The following RNF144B variants were observed in gnomAD, a reference collection of about 807,000 sequenced individuals.
The protein encoded by RNF144B is E3 ubiquitin-protein ligase RNF144B.
A neutral mutation model predicts 40.2 loss-of-function variants in RNF144B; 25 were observed. That is an observed-to-expected ratio of 0.62 (90% CI 0.45 to 0.87). RNF144B has a LOEUF of 0.87. RNF144B is among the 40% of genes least tolerant of loss of function. RNF144B has a pLI of 0.00. For synonymous variants in RNF144B, 145 were observed against 136.3 expected (o/e 1.06, Z -0.44); for missense variants, 365 against 373.7 (o/e 0.98, Z 0.19).
Position 18,400,625 on chromosome 6 carries a change from G to C in RNF144B, c.165+926G>C, listed in dbSNP as rs996315047. ...GGTTAAGGTATAAAGGTAGGAAATAGATTGAGTTCCTGTAGGCTTCAGTGA... is the reference window on the plus strand; with the variant it reads ...GGTTAAGGTATAAAGGTAGGAAATACATTGAGTTCCTGTAGGCTTCAGTGA... On this transcript the variant is annotated intron_variant, in intron 2 of 7. Coordinates refer to ENST00000259939, the MANE Select transcript of RNF144B (RefSeq NM_182757.4). This position sits in a 1 kb window ranked among gnomAD's most constrained non-coding sequence, Gnocchi z 5.6. Among the ~76,000 whole-genome samples, 1 of 152,268 alleles carries C rather than the reference G, an allele frequency of 6.6e-6. No individual in the cohort carries two copies. The highest frequency in any genetic ancestry group is 2.1e-4 in the South Asian group (1 of 4,828).
intron 1 of RNF144B, among the ~76,000 whole-genome samples, chr6:18,389,821 C>T (rs949843559): frequency 2.2e-4 from 33 of 152,288 alleles, no homozygotes; most frequent in African/African-American, 7.9e-4. Context: ...GTAGCCATTG[C>T]TCCTAAGTAC....
In RNF144B at chr6:18,442,290, A is replaced by G. The variant is rs141667358; in HGVS notation, c.331+2546A>G. On this transcript the variant is annotated intron_variant, in intron 4 of 7. Transcript: ENST00000259939. The surrounding 1 kb of genome is among the most constrained non-coding windows in gnomAD (Gnocchi z 4.3). ...GCCAGTCTATCTTTTTTAGGTGGTG[A>G]TGCATATTTCTACTTTGCTCTGTTA... Among the ~76,000 whole-genome samples, 460 of 152,322 alleles carry G rather than the reference A, an allele frequency of 3.0e-3. 8 individuals are homozygous for G. Among genetic ancestry groups the G allele is most frequent in the African/African-American group, 0.01 (435 of 41,566 alleles).
rs72834106 is a variant in RNF144B, at chr6:18,465,457, T to C, written c.*390T>C. On this transcript the variant is annotated 3_prime_UTR_variant, in exon 8 of 8. Transcript: ENST00000259939. ...ATACAAGATAACCAAGAAGCTGGAG[T>C]CTGTTCTGTGTTGATTTGACTGCCA... The C allele has an allele frequency of 0.011, 1,974 of 178,666 alleles. 24 individuals carry two copies. Among genetic ancestry groups the C allele is most frequent in the Middle Eastern group, 0.027 (10 of 376 alleles). The allele number at this position is 178,666 out of a possible 1,614,324, so 11.1% of individuals were successfully genotyped here.
At chr6:18,391,217 A>G (rs1469435688) in intron 1 of RNF144B, among the ~76,000 whole-genome samples, 1 of 152,162 alleles carries the variant, frequency 6.6e-6, no homozygotes, top group Non-Finnish European at 1.5e-5. Context: ...TGATTGGTCA[A>G]TTACATCATT....
rs751314252 is a variant in RNF144B, at chr6:18,457,299, C to G, written c.476C>G (p.Ala159Gly). 23 of 1,614,050 alleles carry G rather than the reference C, an allele frequency of 1.4e-5. No individual in the cohort carries two copies. Among genetic ancestry groups the G allele is most frequent in the Middle Eastern group, 3.3e-4 (2 of 6,084 alleles). ...AAATTCTGCTCGTGTTGCAAGGATG[C>G]TTGGCATGCAGAGGTCTCCTGTAGA... Reference protein sequence around the residue: ...HLKFCSCCKDAWHAEVSCRDS... With the variant: ...HLKFCSCCKDGWHAEVSCRDS... The change falls in exon 5 of 8, where the codon GCT (alanine) becomes GGT (glycine). Residue 159 changes from alanine (A) to glycine (G), a missense_variant. Physicochemically the swap from Ala to Gly is moderately conservative, Grantham distance 60. Coordinates refer to ENST00000259939, the MANE Select transcript of RNF144B (RefSeq NM_182757.4). The surrounding 1 kb of genome is among the most constrained non-coding windows in gnomAD (Gnocchi z 5.1).
In RNF144B at chr6:18,459,152, C is replaced by T. The variant is rs1405198801; in HGVS notation, c.537-455C>T. Reference sequence around the variant, plus strand: ...GGCTGTGAGCCTGTATTGGTCTATTCGTCTGTTTGGAGAAGGTCTTTTGAA... The same window carrying T: ...GGCTGTGAGCCTGTATTGGTCTATTTGTCTGTTTGGAGAAGGTCTTTTGAA... On this transcript the variant is annotated intron_variant, in intron 5 of 7. Transcript: ENST00000259939. This position sits in a 1 kb window ranked among gnomAD's most constrained non-coding sequence, Gnocchi z 4.2. Among the ~76,000 whole-genome samples the T allele has an allele frequency of 6.6e-6, 1 of 152,078 alleles. No homozygotes were observed. The highest frequency in any genetic ancestry group is 2.4e-5 in the African/African-American group (1 of 41,396).
intron 6 of RNF144B, among the ~76,000 whole-genome samples, chr6:18,461,774 T>A (rs1053267994): frequency 7.9e-5 from 12 of 152,154 alleles, no homozygotes; most frequent in African/African-American, 2.9e-4. Flanking sequence ...GAGTTCTACA[T>A]CAGATGGTGG....
At position 18,387,522 on chromosome 6, in the gene RNF144B, G is replaced by A; in HGVS notation, c.-145G>A. 7.6e-7 allele frequency: 1 copy of A among 1,314,052 alleles called. No homozygotes were observed. Among genetic ancestry groups the A allele is most frequent in the Non-Finnish European group, 1.0e-6 (1 of 1,003,426 alleles). The allele number at this position is 1,314,052 out of a possible 1,614,324, so 81.4% of individuals were successfully genotyped here. On this transcript the variant is annotated 5_prime_UTR_variant, in exon 1 of 8. Coordinates refer to ENST00000259939, the MANE Select transcript of RNF144B (RefSeq NM_182757.4). Reference sequence around the variant, plus strand: ...AGCCGCAGAGCACGGAGGAAAGACGGAGAGAATGGAAGAGCTCCTGTCCGG... The same window carrying A: ...AGCCGCAGAGCACGGAGGAAAGACGAAGAGAATGGAAGAGCTCCTGTCCGG...
chr6:18,399,493 CT>C lies in RNF144B; in HGVS notation c.-36-5del. 1 of 1,602,286 alleles carries C rather than the reference CT, an allele frequency of 6.2e-7. No individual in the cohort carries two copies. ...ATAATATTTTCTGCTTTGGACCTTT[CT>C]ATAGGGATTGAGGAGACTGAAGAAT... On this transcript the variant is annotated splice_polypyrimidine_tract_variant and splice_region_variant and intron_variant, in intron 1 of 7. Transcript: ENST00000259939.
Position 18,442,134 on chromosome 6 carries a change from C to G in RNF144B, c.331+2390C>G, listed in dbSNP as rs1050018693. Among the ~76,000 whole-genome samples the G allele has an allele frequency of 6.6e-6, 1 of 152,218 alleles. No homozygotes were observed. Among genetic ancestry groups the G allele is most frequent in the Non-Finnish European group, 1.5e-5 (1 of 68,042 alleles). ...GGAAAATCATTGGCTAAGATTTCCA[C>G]TCTTTCCCCAGATAGTGGTTGGCTT... On this transcript the variant is annotated intron_variant, in intron 4 of 7. Coordinates refer to ENST00000259939, the MANE Select transcript of RNF144B (RefSeq NM_182757.4). This position sits in a 1 kb window ranked among gnomAD's most constrained non-coding sequence, Gnocchi z 4.3.
chr6:18,399,797 C>A, intron 2 of RNF144B, 98 bp downstream of exon 2: 1 of 916,226 alleles, frequency 1.1e-6, no homozygotes, highest in Non-Finnish European at 1.7e-6. Flanking sequence ...CCAGAGTGTG[C>A]TACAATATGA....
chr6:18,421,029 C>T (rs1795247442), intron 2 of RNF144B, among the ~76,000 whole-genome samples: 1 of 151,886 alleles, frequency 6.6e-6, no homozygotes, highest in African/African-American at 2.4e-5. Flanking sequence ...CTGAGGCAGA[C>T]AGATCACTTG....
intron 3 of RNF144B, among the ~76,000 whole-genome samples, chr6:18,436,086 T>C (rs186598234): frequency 6.6e-6 from 1 of 151,334 alleles, no homozygotes; most frequent in East Asian, 1.9e-4. Context: ...ACATCATCAA[T>C]AATGAGACAT....
chr6:18,419,533 GAGGA>G lies in RNF144B; in HGVS notation c.166-8045_166-8042del, dbSNP rs1242111099. Among the ~76,000 whole-genome samples the G allele has an allele frequency of 6.6e-6, 1 of 152,166 alleles. No individual in the cohort carries two copies. Among genetic ancestry groups the G allele is most frequent in the African/African-American group, 2.4e-5 (1 of 41,442 alleles). The stretch of plus-strand genomic sequence containing the variant: ...AGAAGATTGAGAAAGAGTGACTAGA[GAGGA>G]AGAATGAAAACCAGAAGAGTATGGG... On this transcript the variant is annotated intron_variant, in intron 2 of 7. Coordinates refer to ENST00000259939, the MANE Select transcript of RNF144B (RefSeq NM_182757.4). The surrounding 1 kb of genome is among the most constrained non-coding windows in gnomAD (Gnocchi z 4.6).
intron 1 of RNF144B, among the ~76,000 whole-genome samples, chr6:18,390,565 A>G (rs1794559230): frequency 6.6e-6 from 1 of 152,222 alleles, no homozygotes; most frequent in South Asian, 2.1e-4. Context: ...TTCTGATCAC[A>G]TGGCTTGGAG....
rs12202925 is a variant in RNF144B, at chr6:18,441,752, G to C, written c.331+2008G>C. Among the ~76,000 whole-genome samples, 18,992 of 152,078 alleles carry C rather than the reference G, an allele frequency of 0.12. 1,365 individuals carry two copies. The highest frequency in any genetic ancestry group is 0.19 in the Admixed American group (2,955 of 15,270). ...CCATGGCAAGGTCCTTAATATTTCT[G>C]CATCTCAACTTCCTCATCTGTGAAA... On this transcript the variant is annotated intron_variant, in intron 4 of 7. Transcript: ENST00000259939. This position sits in a 1 kb window ranked among gnomAD's most constrained non-coding sequence, Gnocchi z 4.9.
rs1344757682 is a variant in RNF144B at position 18,450,060 on chromosome 6, G to A, written c.332-7095G>A. ...ATTTATGAATTTCTATAAATGATCT[G>A]TGTGTAGCTGTTTGACTGTAAGGGA... is the stretch of plus-strand genomic sequence containing the variant. On this transcript the variant is annotated intron_variant, in intron 4 of 7. Transcript: ENST00000259939. The surrounding 1 kb of genome is among the most constrained non-coding windows in gnomAD (Gnocchi z 4.7). Among the ~76,000 whole-genome samples the A allele has an allele frequency of 1.3e-5, 2 of 152,220 alleles. No homozygotes were observed. The highest frequency in any genetic ancestry group is 2.4e-5 in the African/African-American group (1 of 41,454).
intron 2 of RNF144B, among the ~76,000 whole-genome samples, chr6:18,404,535 C>T (rs574569588): frequency 6.6e-6 from 1 of 152,166 alleles, no homozygotes; most frequent in Admixed American, 6.5e-5. Flanking sequence ...TGACTGGCTT[C>T]CTCACTAGCC....
At chr6:18,407,703 C>A (rs2113471592) in intron 2 of RNF144B, among the ~76,000 whole-genome samples, 1 of 152,278 alleles carries the variant, frequency 6.6e-6, no homozygotes, top group East Asian at 1.9e-4. Flanking sequence ...TTTTACTATT[C>A]CTGGTTGAAA....
Sources: allele counts gnomAD v4.1 joint callset (sites outside exome capture counted in the v4.1 genomes callset), GRCh38; gene constraint gnomAD v4.1.1; non-coding constraint Gnocchi (gnomAD v3.1); transcripts MANE v1.5; gene names NCBI Gene and HGNC (gene_info 2026-07-23, HGNC 2026-07-21).